GALNT2: variants seen among roughly 807,000 people sequenced by gnomAD.
The protein encoded by GALNT2 is UDP-GalNAc:polypeptide N-acetylgalactosaminyltransferase 2.
Under a neutral mutation model 81.4 loss-of-function variants are expected in GALNT2, and 31 were observed. The ratio of observed to expected loss-of-function variants is 0.38; its 90% CI spans 0.29 to 0.51. The LOEUF is 0.51. Ranked by LOEUF, GALNT2 falls within the 20% of genes least tolerant of loss-of-function variation. The pLI is 0.87. For synonymous variants in GALNT2, 303 were observed against 287.4 expected, an observed-to-expected ratio of 1.05 and a Z score of -0.55; for missense variants, 629 against 765.7, an observed-to-expected ratio of 0.82 and a Z score of 2.11.
chr1:230,218,822 A>C (rs1324859555), intron 3 of GALNT2, among the ~76,000 whole-genome samples: 1 of 152,240 alleles, frequency 6.6e-6, no homozygotes, highest in Non-Finnish European at 1.5e-5. Flanking sequence ...GCCGTGGACC[A>C]GTGGTGACAC....
At chr1:230,087,226 C>T (rs1056765948) in intron 1 of GALNT2, among the ~76,000 whole-genome samples, 2 of 152,228 alleles carry the variant, frequency 1.3e-5, no homozygotes, top group African/African-American at 4.8e-5. Context: ...AGGGGCCTGG[C>T]CTGCTGGGGC....
At chr1:230,196,479 C>T (rs1378028475) in intron 2 of GALNT2, among the ~76,000 whole-genome samples, 1 of 152,134 alleles carries the variant, frequency 6.6e-6, no homozygotes, top group Non-Finnish European at 1.5e-5. Context: ...CTGTTTTTCT[C>T]CAAAATTAAG....
intron 8 of GALNT2, among the ~76,000 whole-genome samples, chr1:230,246,393 T>C (rs1268324241): frequency 2.6e-5 from 4 of 152,246 alleles, no homozygotes; most frequent in Admixed American, 1.3e-4. Flanking sequence ...TCTGTCACTT[T>C]TGCGAGCCAT....
intron 3 of GALNT2, among the ~76,000 whole-genome samples, chr1:230,212,847 CT>C (rs897547765): frequency 4.6e-5 from 7 of 151,482 alleles, no homozygotes; most frequent in African/African-American, 9.7e-5. Context: ...TATGTTTCCT[CT>C]TTTTTTTTGG....
In GALNT2 at chr1:230,210,301, ATTTTCTTTG is replaced by A. The variant is rs1664197055; in HGVS notation, c.374+7019_374+7027del. 2.0e-5 allele frequency among the ~76,000 whole-genome samples: 3 copies of A among 152,136 alleles called. No homozygotes were observed. The South Asian group carries it at 6.2e-4, about 31-fold the overall frequency. On this transcript the variant is annotated intron_variant, in intron 3 of 15. Coordinates refer to ENST00000366672, the MANE Select transcript of GALNT2 (RefSeq NM_004481.5). Reference sequence around the variant, plus strand: ...GAAATCAACCTTTAGGGGGGAAACCATTTTCTTTGTTTTCTTCTTTCCCCTGTCAACTAG... The same window carrying A: ...GAAATCAACCTTTAGGGGGGAAACCATTTTCTTCTTTCCCCTGTCAACTAG...
intron 14 of GALNT2, among the ~76,000 whole-genome samples, chr1:230,267,826 G>T (rs1666074792): frequency 6.6e-6 from 1 of 152,178 alleles, no homozygotes; most frequent in Non-Finnish European, 1.5e-5. Flanking sequence ...TGTCCTTGTA[G>T]CTCCTCCATC....
In GALNT2 at chr1:230,142,302, A is replaced by G. The variant is rs373523848; in HGVS notation, c.127-35916A>G. 2.0e-4 allele frequency among the ~76,000 whole-genome samples: 31 copies of G among 152,260 alleles called. No homozygotes were observed. In the East Asian group the frequency reaches 4.8e-3, roughly 24 times the overall value. On this transcript the variant is annotated intron_variant, in intron 1 of 15. Coordinates refer to ENST00000366672, the MANE Select transcript of GALNT2 (RefSeq NM_004481.5). ...TCTTTCCACATCAGCATTCTTCCGCACTTGGGCCACACAGGGTCTGCGAGA... is the reference window on the plus strand; with the variant it reads ...TCTTTCCACATCAGCATTCTTCCGCGCTTGGGCCACACAGGGTCTGCGAGA...
chr1:230,274,321 C>T, intron 14 of GALNT2, 124 bp from the exon 15 acceptor site: 1 of 1,304,590 alleles, frequency 7.7e-7, no homozygotes, highest in South Asian at 1.6e-5. Flanking sequence ...TCAGTTGGCT[C>T]AGGGGTTCTG....
chr1:230,135,486 G>A (rs988498083), intron 1 of GALNT2, among the ~76,000 whole-genome samples: 3 of 152,184 alleles, frequency 2.0e-5, no homozygotes, highest in African/African-American at 7.2e-5. Flanking sequence ...TGAATTGTCA[G>A]GCATGAGCCA....
At chr1:230,210,544 C>T (rs1403224777) in intron 3 of GALNT2, among the ~76,000 whole-genome samples, 4 of 152,140 alleles carry the variant, frequency 2.6e-5, no homozygotes, top group Non-Finnish European at 4.4e-5. Context: ...ACAAAGGAAC[C>T]TTCTTTGAGA....
chr1:230,236,428 C>T lies in GALNT2; in HGVS notation c.541+8C>T, dbSNP rs1665033883. On this transcript the variant is annotated splice_region_variant and intron_variant, in intron 5 of 15. Coordinates refer to ENST00000366672, the MANE Select transcript of GALNT2 (RefSeq NM_004481.5). Reference sequence around the variant, plus strand: ...ATGACTACAGCAATGATCGTGAGTACTGACACTGATTTTATCCCTGTGTCT... The same window carrying T: ...ATGACTACAGCAATGATCGTGAGTATTGACACTGATTTTATCCCTGTGTCT... 2 of 1,613,336 alleles carry T rather than the reference C, an allele frequency of 1.2e-6. No homozygotes were observed. The highest frequency in any genetic ancestry group is 1.7e-6 in the Non-Finnish European group (2 of 1,179,272).
intron 1 of GALNT2, among the ~76,000 whole-genome samples, chr1:230,094,569 C>T (rs963008047): frequency 4.6e-5 from 7 of 152,072 alleles, no homozygotes; most frequent in Admixed American, 2.0e-4. Context: ...ACCCGGGAGG[C>T]GGAGGTTGCA....
intron 14 of GALNT2, 53 bp from the exon 15 acceptor site, chr1:230,274,392 C>G: frequency 6.3e-7 from 1 of 1,590,298 alleles, no homozygotes; most frequent in South Asian, 1.1e-5. Context: ...CCCCTTCTTT[C>G]CTTTCACAGC....
At chr1:230,130,191 C>T (rs544749272) in intron 1 of GALNT2, among the ~76,000 whole-genome samples, 2 of 152,346 alleles carry the variant, frequency 1.3e-5, no homozygotes, top group South Asian at 4.1e-4. Context: ...ATCCCGCCTT[C>T]TACTACCATC....
At chr1:230,205,353 C>T (rs554335042) in intron 3 of GALNT2, among the ~76,000 whole-genome samples, 1 of 151,984 alleles carries the variant, frequency 6.6e-6, no homozygotes, top group South Asian at 2.1e-4. Context: ...TTTTTAGGGC[C>T]ATGGAAAAGT....
At chr1:230,265,469 G>T in intron 14 of GALNT2, 102 bp downstream of exon 14, 15 of 1,513,828 alleles carry the variant, frequency 9.9e-6, no homozygotes, top group South Asian at 6.0e-5. Context: ...CTCCTGGGAT[G>T]GGTGATGTCT....
chr1:230,220,672 A>G (rs1006333426), intron 3 of GALNT2, among the ~76,000 whole-genome samples: 1 of 152,120 alleles, frequency 6.6e-6, no homozygotes, highest in Admixed American at 6.5e-5. Context: ...GTCTGCAAAG[A>G]GGCATCCCCT....
intron 3 of GALNT2, among the ~76,000 whole-genome samples, chr1:230,209,724 T>C (rs1664175212): frequency 1.3e-5 from 2 of 151,952 alleles, no homozygotes; most frequent in Admixed American, 6.6e-5. Context: ...ACACTTGTGG[T>C]CCCAGCTACA....
chr1:230,205,282 T>C (rs1161634369), intron 3 of GALNT2, among the ~76,000 whole-genome samples: 1 of 152,198 alleles, frequency 6.6e-6, no homozygotes. Flanking sequence ...TTTCTTTGGG[T>C]TCTAGTCAGC....
Sources: gnomAD v4.1 joint callset for allele counts (sites outside exome capture counted in the v4.1 genomes callset) on GRCh38, gnomAD v4.1.1 for gene constraint, MANE v1.5 for transcripts, NCBI Gene and HGNC (gene_info 2026-07-23, HGNC 2026-07-21) for gene names.